ZFAND3: variants seen among roughly 807,000 people sequenced by gnomAD.
The protein encoded by ZFAND3 is AN1-type zinc finger protein 3.
In ZFAND3, 10 loss-of-function variants were observed where a neutral mutation model predicts 29.6. That is an observed-to-expected ratio of 0.34 (90% CI 0.21 to 0.57). The LOEUF (loss-of-function observed/expected upper bound fraction) is 0.57, where lower values mean the gene tolerates loss of function less well. Ranked by LOEUF, ZFAND3 falls within the 20% of genes least tolerant of loss-of-function variation. The pLI, the probability that ZFAND3 is intolerant of heterozygous loss-of-function variation, is 0.86. For synonymous variants in ZFAND3, 128 were observed against 112.6 expected, an observed-to-expected ratio of 1.14 and a Z score of -0.87; for missense variants, 230 against 304.5, an observed-to-expected ratio of 0.76 and a Z score of 1.82.
chr6:38,026,710 C>T (rs1187567248), intron 2 of ZFAND3, among the ~76,000 whole-genome samples: 2 of 151,948 alleles, frequency 1.3e-5, no homozygotes, highest in African/African-American at 2.4e-5. Flanking sequence ...GGATTACAGG[C>T]GTGAGCTACC....
At position 37,819,812 on chromosome 6, in the gene ZFAND3, GCCCGCGCGCCCGC is replaced by G; in HGVS notation, c.-133_-121del. The stretch of plus-strand genomic sequence containing the variant: ...GGCTCCGAGCCCCGGACTCGCGCCC[GCCCGCGCGCCCGC>G]TCCTTCCCCCTCCCCCCGCCCCGAG... On this transcript the variant is annotated 5_prime_UTR_variant, in exon 1 of 6. Transcript: ENST00000287218. 1.9e-6 allele frequency: 1 copy of G among 533,424 alleles called. No homozygotes were observed. Among genetic ancestry groups the G allele is most frequent in the Non-Finnish European group, 2.5e-6 (1 of 400,272 alleles). The allele number at this position is 533,424 out of a possible 1,614,324, so 33.0% of individuals were successfully genotyped here.
intron 2 of ZFAND3, among the ~76,000 whole-genome samples, chr6:37,930,716 A>G (rs1225464034): frequency 1.3e-5 from 2 of 152,106 alleles, no homozygotes; most frequent in Non-Finnish European, 2.9e-5. Flanking sequence ...TGAAGTTGAA[A>G]CTTTTAGGTC....
At position 38,154,105 on chromosome 6, in the gene ZFAND3, A is replaced by G. The variant is rs1057306590; in HGVS notation, c.*1716A>G. 7 of 985,378 alleles carry G rather than the reference A, an allele frequency of 7.1e-6. No homozygotes were observed. Among genetic ancestry groups the G allele is most frequent in the African/African-American group, 7.0e-5 (4 of 57,228 alleles). 61.0% of individuals were successfully genotyped at this position (985,378 alleles called of 1,614,324 possible). The stretch of plus-strand genomic sequence containing the variant: ...CAGACCGGTGTCTTGCTCTAGGGCA[A>G]CCCAGGGCAGAGGGGCCAGGTCTGC... On this transcript the variant is annotated 3_prime_UTR_variant, in exon 6 of 6. Coordinates refer to ENST00000287218, the MANE Select transcript of ZFAND3 (RefSeq NM_021943.3).
Position 37,916,087 on chromosome 6 carries a change from T to TA in ZFAND3, c.72-13856dup, listed in dbSNP as rs34769590. ...CCCGGCTGCTGTGTTTTTTTTAACTTAAAAAAAAAAAAAAAAGTTTGCTGG... is the reference window on the plus strand; with the variant it reads ...CCCGGCTGCTGTGTTTTTTTTAACTTAAAAAAAAAAAAAAAAAGTTTGCTGG... On this transcript the variant is annotated intron_variant, in intron 1 of 5. Transcript: ENST00000287218. Among the ~76,000 whole-genome samples, 1,144 of 142,498 alleles carry TA rather than the reference T, an allele frequency of 8.0e-3. 7 individuals are homozygous for TA. Among genetic ancestry groups the TA allele is most frequent in the Non-Finnish European group, 0.012 (816 of 65,460 alleles). 93.5% of individuals were successfully genotyped at this position (142,498 alleles called of 152,430 possible). A position where few individuals can be genotyped will look rare whatever the true frequency, so the allele number is the denominator to read the frequency against.
At chr6:38,072,546 G>T (rs575940952) in intron 3 of ZFAND3, among the ~76,000 whole-genome samples, 2 of 152,104 alleles carry the variant, frequency 1.3e-5, no homozygotes, top group South Asian at 2.1e-4. Context: ...TTTAGCTCTT[G>T]CACTCGTCAT....
intron 5 of ZFAND3, among the ~76,000 whole-genome samples, chr6:38,120,962 A>G (rs1012128092): frequency 6.6e-6 from 1 of 152,198 alleles, no homozygotes; most frequent in Non-Finnish European, 1.5e-5. Context: ...CATTTACTGA[A>G]ATCTGAATAT....
At chr6:38,026,565 G>A (rs778630936) in intron 2 of ZFAND3, among the ~76,000 whole-genome samples, 11 of 151,574 alleles carry the variant, frequency 7.3e-5, no homozygotes, top group Non-Finnish European at 1.5e-4. Context: ...AAGTAGCTGG[G>A]TCTACAGGTG....
At chr6:37,973,140 T>G (rs2127429366) in intron 2 of ZFAND3, among the ~76,000 whole-genome samples, 1 of 152,260 alleles carries the variant, frequency 6.6e-6, no homozygotes, top group African/African-American at 2.4e-5. Flanking sequence ...CATGATTTTC[T>G]TTGTCAGTTT....
In ZFAND3 at chr6:37,867,129, T is replaced by G. The variant is rs115679608; in HGVS notation, c.71+47113T>G. On this transcript the variant is annotated intron_variant, in intron 1 of 5. Coordinates refer to ENST00000287218, the MANE Select transcript of ZFAND3 (RefSeq NM_021943.3). ...GCAAAGCTAGTTTAAAGAAGAAAAA[T>G]CCTTCCTATCTTTTTTTGTAGTTCT... is the stretch of plus-strand genomic sequence containing the variant. 1.3e-3 allele frequency among the ~76,000 whole-genome samples: 195 copies of G among 152,220 alleles called. 1 individual carries two copies. The highest frequency in any genetic ancestry group is 4.5e-3 in the African/African-American group (185 of 41,542).
At chr6:38,010,013 A>G (rs1356511919) in intron 2 of ZFAND3, among the ~76,000 whole-genome samples, 1 of 152,184 alleles carries the variant, frequency 6.6e-6, no homozygotes, top group Admixed American at 6.5e-5. Flanking sequence ...TGGTCGCAAA[A>G]ACATCACTAA....
chr6:37,864,417 T>A (rs1764546718), intron 1 of ZFAND3, among the ~76,000 whole-genome samples: 1 of 152,228 alleles, frequency 6.6e-6, no homozygotes, highest in East Asian at 1.9e-4. Flanking sequence ...ACAATTTCCC[T>A]TTATCTGTTC....
At chr6:37,870,624 C>T (rs1331120941) in intron 1 of ZFAND3, among the ~76,000 whole-genome samples, 4 of 149,628 alleles carry the variant, frequency 2.7e-5, no homozygotes, top group African/African-American at 9.8e-5. Context: ...AAAAAGAGCA[C>T]TTAACATGAC....
intron 1 of ZFAND3, among the ~76,000 whole-genome samples, chr6:37,865,214 A>T (rs1764567737): frequency 6.6e-6 from 1 of 152,178 alleles, no homozygotes; most frequent in African/African-American, 2.4e-5. Flanking sequence ...GTATTTCCAT[A>T]AACTTGCGTA....
intron 4 of ZFAND3, among the ~76,000 whole-genome samples, chr6:38,086,667 A>C (rs1370210404): frequency 6.6e-6 from 1 of 152,230 alleles, no homozygotes; most frequent in East Asian, 1.9e-4. Context: ...ACCTTCAGCT[A>C]ATAAAATACT....
intron 1 of ZFAND3, among the ~76,000 whole-genome samples, chr6:37,908,282 C>T (rs1476410157): frequency 6.6e-6 from 1 of 152,068 alleles, no homozygotes; most frequent in South Asian, 2.1e-4. Context: ...CATTTTAGCA[C>T]ACCAGTGATA....
chr6:37,827,329 G>A (rs1763778283), intron 1 of ZFAND3, among the ~76,000 whole-genome samples: 1 of 152,158 alleles, frequency 6.6e-6, no homozygotes, highest in African/African-American at 2.4e-5. Context: ...CAACCTCAGC[G>A]GCTTGTACAG....
chr6:37,938,616 T>A (rs1561940534), intron 2 of ZFAND3, among the ~76,000 whole-genome samples: 1 of 152,224 alleles, frequency 6.6e-6, no homozygotes, highest in Non-Finnish European at 1.5e-5. Context: ...CGGGCAACAG[T>A]TCCTTAACGG....
At chr6:37,886,355 T>G (rs1764994722) in intron 1 of ZFAND3, among the ~76,000 whole-genome samples, 1 of 151,204 alleles carries the variant, frequency 6.6e-6, no homozygotes, top group Admixed American at 6.6e-5. Flanking sequence ...AATGGTAGGT[T>G]TAAATTCAGT....
intron 2 of ZFAND3, among the ~76,000 whole-genome samples, chr6:37,991,218 A>C (rs1762753236): frequency 6.6e-6 from 1 of 152,122 alleles, no homozygotes; most frequent in African/African-American, 2.4e-5. Flanking sequence ...GTCTTGACTC[A>C]TTGGACAGGC....
Sources: allele counts gnomAD v4.1 joint callset (sites outside exome capture counted in the v4.1 genomes callset), GRCh38; gene constraint gnomAD v4.1.1; transcripts MANE v1.5; gene names NCBI Gene and HGNC (gene_info 2026-07-23, HGNC 2026-07-21).